The following CCDC88A variants were observed in gnomAD, a reference collection of about 807,000 sequenced individuals.
The protein encoded by CCDC88A is coiled-coil and HOOK domain protein 88A.
CCDC88A carries 54 observed loss-of-function variants against 234.3 expected under a neutral mutation model. That is an observed-to-expected ratio of 0.23 (90% CI 0.19 to 0.29). The LOEUF (loss-of-function observed/expected upper bound fraction) is 0.29, where lower values mean the gene tolerates loss of function less well. Ranked by LOEUF, CCDC88A falls within the 10% of genes least tolerant of loss-of-function variation. The pLI is 1.00. For missense variants in CCDC88A, 1,832 were observed against 2,123.4 expected (o/e 0.86, Z 2.70); for synonymous variants, 753 against 737.8 (o/e 1.02, Z -0.33).
intron 12 of CCDC88A, 189 bp from the exon 13 acceptor site, chr2:55,339,837 T>C: frequency 2.0e-6 from 1 of 499,986 alleles, no homozygotes. Context: ...TTTCTTTTTT[T>C]CTTTTTTTTA....
chr2:55,330,144 G>A (rs1684745959), intron 16 of CCDC88A: 1 of 151,672 alleles, frequency 6.6e-6, no homozygotes, highest in African/African-American at 2.4e-5. Flanking sequence ...GCAAGAATAA[G>A]TATCTTAATA....
At chr2:55,301,456 T>G in intron 27 of CCDC88A, 179 bp from the exon 28 acceptor site, 3 of 527,584 alleles carry the variant, frequency 5.7e-6, no homozygotes, top group Non-Finnish European at 3.3e-6. Flanking sequence ...ACAACTCTCA[T>G]TAGAGTTGAC....
In CCDC88A at chr2:55,321,941, C is replaced by T. The variant is rs553195901; in HGVS notation, c.3162+587G>A. ...GTTAAATTAAAAAAAAAAAAACCAC[C>T]ACCACAACTATTTTACTTGTTATTG... On this transcript the variant is annotated intron_variant, in intron 18 of 32. Transcript: ENST00000436346. Among the ~76,000 whole-genome samples the T allele has an allele frequency of 1.5e-4, 23 of 148,700 alleles. No individual in the cohort carries two copies. In the East Asian group the frequency reaches 4.3e-3, roughly 28 times the overall value.
chr2:55,320,232 ATGTGAAATACTAT>A (rs1346809559), intron 18 of CCDC88A, among the ~76,000 whole-genome samples: 3 of 152,150 alleles, frequency 2.0e-5, no homozygotes, highest in Non-Finnish European at 4.4e-5. Context: ...TCACATATAT[ATGTGAAATACTAT>A]TGTAGTTTAG....
At chr2:55,408,048 T>C (rs1679899543) in intron 2 of CCDC88A, among the ~76,000 whole-genome samples, 1 of 152,034 alleles carries the variant, frequency 6.6e-6, no homozygotes, top group East Asian at 1.9e-4. Context: ...TACTAACTTC[T>C]ACCTCTAGTG....
Position 55,349,526 on chromosome 2 carries a change from G to T in CCDC88A, c.874C>A (p.Gln292Lys), listed in dbSNP as rs1209335096. Residue 292 changes from glutamine (Q) to lysine (K), a missense_variant, in exon 9 of 33, where the codon CAA becomes AAA. Coordinates refer to ENST00000436346, the MANE Select transcript of CCDC88A (RefSeq NM_001365480.1). ...ATATTCCAGGTACAAACCTCTTGTT[G>T]CAGCCTTTTGAGTTCTATTTCCATT... ...EQMEIELKRLQQENMNLLSDA... is the reference protein window; with the variant it reads ...EQMEIELKRLKQENMNLLSDA... 1.2e-6 allele frequency: 2 copies of T among 1,609,740 alleles called. No homozygotes were observed. The highest frequency in any genetic ancestry group is 1.7e-6 in the Non-Finnish European group (2 of 1,177,094).
At position 55,344,503 on chromosome 2, in the gene CCDC88A, T is replaced by A. The variant is rs1668860754; in HGVS notation, c.1053A>T (p.Glu351Asp). The A allele has an allele frequency of 6.5e-7, 1 of 1,529,052 alleles. No homozygotes were observed. The highest frequency in any genetic ancestry group is 1.9e-5 in the Admixed American group (1 of 52,358). The allele number at this position is 1,529,052 out of a possible 1,614,324, so 94.7% of individuals were successfully genotyped here. The change falls in exon 11 of 33, where the codon GAA (glutamate) becomes GAT (aspartate). Residue 351 changes from glutamate (E) to aspartate (D), a missense_variant. Glu to Asp is a conservative substitution (Grantham distance 45). This residue lies in a region of CCDC88A where 1,282 missense variants were observed against 1,543.6 expected (regional missense o/e 0.83). Transcript: ENST00000436346. ...FYKARVEELK[E>D]DNQVLLETKT... ...TTGTTTCTAATAAAACTTGATTGTC[T>A]TCTTTTAATTCCTATAAATGTTTAT...
chr2:55,296,978 T>C (rs28434193), intron 29 of CCDC88A: 10,337 of 153,156 alleles, frequency 0.067, 1,146 homozygotes, highest in African/African-American at 0.23. Context: ...AGGTCAGGAG[T>C]TGGAGACCAG....
chr2:55,418,551 T>G (rs1380952097), intron 2 of CCDC88A: 2 of 466,578 alleles, frequency 4.3e-6, no homozygotes, highest in Non-Finnish European at 7.6e-6. Context: ...ACAATGTGGC[T>G]TGGATTTCAG....
At chr2:55,345,447 G>A (rs1668983811) in intron 10 of CCDC88A, 2 of 152,178 alleles carry the variant, frequency 1.3e-5, no homozygotes, top group South Asian at 2.1e-4. Context: ...TGTCGCCCAG[G>A]CTGTAGTGGC....
rs545103123 is a variant in CCDC88A at position 55,410,694 on chromosome 2, G to C, written c.164+8122C>G. On this transcript the variant is annotated intron_variant, in intron 2 of 32. Transcript: ENST00000436346. ...AACCCAGGAGATTGGAACCAGAATG[G>C]GCAACACAGCAAAACTCTGCCTTTA... is the stretch of plus-strand genomic sequence containing the variant. Among the ~76,000 whole-genome samples, 6 of 151,898 alleles carry C rather than the reference G, an allele frequency of 4.0e-5. No homozygotes were observed. In the East Asian group the frequency reaches 1.2e-3, roughly 29 times the overall value.
intron 25 of CCDC88A, among the ~76,000 whole-genome samples, chr2:55,304,590 C>T (rs1181164113): frequency 6.6e-6 from 1 of 151,792 alleles, no homozygotes; most frequent in African/African-American, 2.4e-5. Context: ...AAGGAGGTAC[C>T]CCAAAGCAAG....
chr2:55,332,070 A>C lies in CCDC88A; in HGVS notation c.2855+496T>G, dbSNP rs1023793381. The C allele has an allele frequency of 1.5e-4, 23 of 151,898 alleles. No homozygotes were observed. The highest frequency in any genetic ancestry group is 5.1e-4 in the African/African-American group (21 of 41,368). The allele number at this position is 151,898 out of a possible 1,614,324, so 9.4% of individuals were successfully genotyped here. ...TAACATTTTAGTTTTTTGTTTTCTT[A>C]TATCTATATTAGATTGTCTATGATT... is the stretch of plus-strand genomic sequence containing the variant. On this transcript the variant is annotated intron_variant, in intron 16 of 32. Coordinates refer to ENST00000436346, the MANE Select transcript of CCDC88A (RefSeq NM_001365480.1). This position sits in a 1 kb window ranked among gnomAD's most constrained non-coding sequence, Gnocchi z 4.5.
At chr2:55,357,469 C>T (rs1007875245) in intron 7 of CCDC88A, among the ~76,000 whole-genome samples, 1 of 151,898 alleles carries the variant, frequency 6.6e-6, no homozygotes, top group African/African-American at 2.4e-5. Flanking sequence ...ACTTTAAGGG[C>T]TATAGGTACC....
At chr2:55,344,002 C>T in intron 11 of CCDC88A, 1 of 420,306 alleles carries the variant, frequency 2.4e-6, no homozygotes, top group African/African-American at 2.0e-5. Context: ...TCTTTGGGGA[C>T]ACAATGAAAA....
intron 12 of CCDC88A, among the ~76,000 whole-genome samples, chr2:55,342,887 C>T (rs564311939): frequency 1.3e-5 from 2 of 152,136 alleles, no homozygotes; most frequent in Non-Finnish European, 2.9e-5. Flanking sequence ...TGAAGAAATG[C>T]AAGTAGAACA....
chr2:55,400,247 G>GT (rs1553435700), intron 2 of CCDC88A, among the ~76,000 whole-genome samples: 1 of 152,076 alleles, frequency 6.6e-6, no homozygotes, highest in Non-Finnish European at 1.5e-5. Flanking sequence ...TGGAAAGGCC[G>GT]TTTTCTAAAA....
rs1409906130 is a variant in CCDC88A, at chr2:55,291,054, C to G, written c.*146G>C. 2 of 152,628 alleles carry G rather than the reference C, an allele frequency of 1.3e-5. No homozygotes were observed. Among genetic ancestry groups the G allele is most frequent in the Non-Finnish European group, 2.9e-5 (2 of 67,950 alleles). 9.5% of individuals were successfully genotyped at this position (152,628 alleles called of 1,614,324 possible). A position where few individuals can be genotyped will look rare whatever the true frequency, so the allele number is the denominator to read the frequency against. ...TCTTGCCTGCTCTATTCACGAAGGA[C>G]TGTTAAAAGTCTCCTTAAAGATTTT... On this transcript the variant is annotated 3_prime_UTR_variant, in exon 33 of 33. Coordinates refer to ENST00000436346, the MANE Select transcript of CCDC88A (RefSeq NM_001365480.1).
In CCDC88A at chr2:55,385,590, C is replaced by T. The variant is rs376625235; in HGVS notation, c.273+3188G>A. Among the ~76,000 whole-genome samples the T allele has an allele frequency of 5.7e-4, 87 of 151,308 alleles. 1 individual carries two copies. The East Asian group carries it at 0.014, about 24-fold the overall frequency. ...CAGTCTAGCCGGGCGCGGTGGCTCA[C>T]GCCTGTAATCTCAGCACTTTGGAAG... On this transcript the variant is annotated intron_variant, in intron 3 of 32. Transcript: ENST00000436346.
Sources: gnomAD v4.1 joint callset for allele counts (sites outside exome capture counted in the v4.1 genomes callset) on GRCh38, gnomAD v4.1.1 for gene constraint, gnomAD v4.1.1 regional missense constraint, Gnocchi (gnomAD v3.1) non-coding constraint, MANE v1.5 for transcripts, NCBI Gene and HGNC (gene_info 2026-07-23, HGNC 2026-07-21) for gene names.